Variants in GABRG3 observed in about 807,000 individuals in gnomAD.
GABRG3 encodes the protein gamma-aminobutyric acid type A receptor subunit gamma3.
A neutral mutation model predicts 48.8 loss-of-function variants in GABRG3; 25 were observed. The ratio of observed to expected loss-of-function variants is 0.51; its 90% CI spans 0.37 to 0.72. The LOEUF (loss-of-function observed/expected upper bound fraction) is 0.72, where lower values mean the gene tolerates loss of function less well. Ranked by LOEUF, GABRG3 falls within the 30% of genes least tolerant of loss-of-function variation. The pLI is 0.00. For missense variants in GABRG3, 394 were observed against 577.9 expected, an observed-to-expected ratio of 0.68 and a Z score of 3.26; for synonymous variants, 227 against 217.6, an observed-to-expected ratio of 1.04 and a Z score of -0.38.
intron 5 of GABRG3, among the ~76,000 whole-genome samples, chr15:27,360,768 A>C (rs186939495): frequency 2.4e-3 from 362 of 152,314 alleles, no homozygotes; most frequent in African/African-American, 8.4e-3. Flanking sequence ...TGGGAAGCTC[A>C]AGGGTTCCCA....
At chr15:27,148,646 T>C (rs1305814098) in intron 3 of GABRG3, among the ~76,000 whole-genome samples, 1 of 152,006 alleles carries the variant, frequency 6.6e-6, no homozygotes, top group Admixed American at 6.5e-5. Context: ...ATAATATGAT[T>C]ATACACCAGT....
At chr15:27,482,715 G>A (rs1383063002) in intron 6 of GABRG3, among the ~76,000 whole-genome samples, 2 of 152,182 alleles carry the variant, frequency 1.3e-5, no homozygotes, top group Admixed American at 6.5e-5. Context: ...GAAAAGGATG[G>A]ATATGATTGT....
chr15:27,221,329 C>T (rs1302705946), intron 3 of GABRG3, among the ~76,000 whole-genome samples: 5 of 152,004 alleles, frequency 3.3e-5, no homozygotes. Flanking sequence ...AGAAGACCAG[C>T]CAGTTCCCCA....
chr15:27,449,340 G>A (rs543884209), intron 5 of GABRG3, among the ~76,000 whole-genome samples: 131 of 152,262 alleles, frequency 8.6e-4, no homozygotes, highest in African/African-American at 2.9e-3. Flanking sequence ...GGTGAAGCCC[G>A]GAGAATTCAA....
At chr15:27,472,618 ATATT>A (rs1566856826) in intron 5 of GABRG3, among the ~76,000 whole-genome samples, 2 of 152,098 alleles carry the variant, frequency 1.3e-5, no homozygotes, top group Admixed American at 1.3e-4. Flanking sequence ...ATTGTTTTAT[ATATT>A]TATTTATTTA....
At chr15:27,243,608 GCTGA>G (rs1044944554) in intron 3 of GABRG3, among the ~76,000 whole-genome samples, 2 of 152,160 alleles carry the variant, frequency 1.3e-5, no homozygotes, top group Admixed American at 6.5e-5. Flanking sequence ...AATATTTTGG[GCTGA>G]CTGTTTGCAG....
chr15:27,006,868 G>C (rs2376671), intron 2 of GABRG3, among the ~76,000 whole-genome samples: 72,919 of 150,476 alleles, frequency 0.48, 18,360 homozygotes, highest in Middle Eastern at 0.61. Flanking sequence ...GAGACAGGGT[G>C]TTGCTCTGTT....
chr15:27,349,446 A>G (rs1894483421), intron 5 of GABRG3, among the ~76,000 whole-genome samples: 1 of 152,188 alleles, frequency 6.6e-6, no homozygotes, highest in African/African-American at 2.4e-5. Flanking sequence ...ATTTCTTCGA[A>G]GAGACACTCT....
At chr15:27,267,031 A>C (rs1890941840) in intron 3 of GABRG3, among the ~76,000 whole-genome samples, 1 of 151,890 alleles carries the variant, frequency 6.6e-6, no homozygotes, top group Non-Finnish European at 1.5e-5. Context: ...TTCAATATAA[A>C]AGTTTAACAG....
chr15:27,377,394 G>C (rs1895631028), intron 5 of GABRG3, among the ~76,000 whole-genome samples: 1 of 152,066 alleles, frequency 6.6e-6, no homozygotes, highest in African/African-American at 2.4e-5. Context: ...CCAATTTACT[G>C]TTTAGTCAGT....
intron 5 of GABRG3, among the ~76,000 whole-genome samples, chr15:27,468,257 G>A (rs1195459138): frequency 1.3e-5 from 2 of 152,222 alleles, no homozygotes; most frequent in African/African-American, 4.8e-5. Context: ...GCATACTCAA[G>A]AGAGAGTCAT....
At chr15:27,276,017 C>A (rs1891240976) in intron 3 of GABRG3, among the ~76,000 whole-genome samples, 1 of 152,240 alleles carries the variant, frequency 6.6e-6, no homozygotes, top group Non-Finnish European at 1.5e-5. Context: ...CATGATCCTG[C>A]AGGACCACAG....
chr15:27,069,528 TCTC>T (rs1391097678), intron 3 of GABRG3, among the ~76,000 whole-genome samples: 1 of 152,230 alleles, frequency 6.6e-6, no homozygotes, highest in Non-Finnish European at 1.5e-5. Flanking sequence ...TACACATCCA[TCTC>T]CTCTCTTTCG....
At chr15:27,004,724 C>T (rs1314710486) in intron 2 of GABRG3, among the ~76,000 whole-genome samples, 1 of 152,192 alleles carries the variant, frequency 6.6e-6, no homozygotes, top group Non-Finnish European at 1.5e-5. Flanking sequence ...AGTTGTCGGA[C>T]ATTTATTTGG....
intron 5 of GABRG3, among the ~76,000 whole-genome samples, chr15:27,426,850 C>G (rs1490392158): frequency 6.6e-6 from 1 of 152,004 alleles, no homozygotes; most frequent in African/African-American, 2.4e-5. Context: ...GAAAGCTGTT[C>G]TGAAGTTTCT....
rs1025400469 is a variant in GABRG3 at position 27,180,444 on chromosome 15, C to G, written c.271-146365C>G. ...CACGTTGTGCATCCATTGTCACACT[C>G]GGGACTCTCTGCCTACCCTATGCTT... On this transcript the variant is annotated intron_variant, in intron 3 of 9. Coordinates refer to ENST00000615808, the MANE Select transcript of GABRG3 (RefSeq NM_033223.5). The surrounding 1 kb of genome is among the most constrained non-coding windows in gnomAD (Gnocchi z 4.2). Among the ~76,000 whole-genome samples the G allele has an allele frequency of 6.6e-6, 1 of 152,048 alleles. No individual in the cohort carries two copies. The highest frequency in any genetic ancestry group is 2.4e-5 in the African/African-American group (1 of 41,426).
intron 5 of GABRG3, among the ~76,000 whole-genome samples, 161 bp downstream of exon 5, chr15:27,329,049 G>A (rs1198821571): frequency 1.3e-5 from 2 of 152,178 alleles, no homozygotes; most frequent in Non-Finnish European, 2.9e-5. Context: ...TTTCACTCTA[G>A]ACCTTGTCAC....
intron 3 of GABRG3, among the ~76,000 whole-genome samples, chr15:27,308,724 A>T (rs1184230130): frequency 6.7e-6 from 1 of 149,446 alleles, no homozygotes; most frequent in Non-Finnish European, 1.5e-5. Context: ...ATGTAAACAT[A>T]ATGTAAACAT....
At position 27,540,040 on chromosome 15, in the gene GABRG3, T is replaced by C. The variant is rs1295984772; in HGVS notation, c.*7159T>C. 2 of 152,200 alleles carry C rather than the reference T, an allele frequency of 1.3e-5. No individual in the cohort carries two copies. The highest frequency in any genetic ancestry group is 6.5e-5 in the Admixed American group (1 of 15,278). The allele number at this position is 152,200 out of a possible 1,614,324, so 9.4% of individuals were successfully genotyped here. On this transcript the variant is annotated 3_prime_UTR_variant, in exon 10 of 10. Transcript: ENST00000615808. ...TGATTCAACACAAAGGCTTAGAGCC[T>C]TTTCTGAACTATAACGAAATCAGAA...
Sources: allele counts gnomAD v4.1 joint callset (sites outside exome capture counted in the v4.1 genomes callset), GRCh38; gene constraint gnomAD v4.1.1; non-coding constraint Gnocchi (gnomAD v3.1); transcripts MANE v1.5; gene names NCBI Gene and HGNC (gene_info 2026-07-23, HGNC 2026-07-21).